LRRTM4: variants seen among roughly 807,000 people sequenced by gnomAD.
LRRTM4 encodes leucine-rich repeat transmembrane neuronal protein 4.
Under a neutral mutation model 47.6 loss-of-function variants are expected in LRRTM4, and 25 were observed. The ratio of observed to expected loss-of-function variants is 0.53; its 90% CI spans 0.38 to 0.73. LRRTM4 has a LOEUF of 0.73. LRRTM4 is among the 30% of genes least tolerant of loss of function. The pLI is 0.00. For missense variants in LRRTM4, 638 were observed against 713.4 expected, an observed-to-expected ratio of 0.89 and a Z score of 1.20; for synonymous variants, 311 against 269.5, an observed-to-expected ratio of 1.15 and a Z score of -1.51.
chr2:76,954,061 T>C (rs950229311), intron 3 of LRRTM4, among the ~76,000 whole-genome samples: 2 of 151,814 alleles, frequency 1.3e-5, no homozygotes, highest in Non-Finnish European at 2.9e-5. Context: ...CCTCAGAGTC[T>C]CTAGCCAGGC....
intron 3 of LRRTM4, among the ~76,000 whole-genome samples, chr2:77,152,623 C>T (rs755374126): frequency 1.3e-5 from 2 of 152,052 alleles, no homozygotes; most frequent in Non-Finnish European, 2.9e-5. Context: ...CTACCACGCC[C>T]GGCCACTTTT....
intron 3 of LRRTM4, among the ~76,000 whole-genome samples, chr2:76,778,331 A>G: frequency 7.1e-6 from 1 of 141,668 alleles, no homozygotes; most frequent in Non-Finnish European, 1.5e-5. Context: ...TTTCAGAAGG[A>G]ATGGTACCAG....
At chr2:77,319,276 A>G (rs1677718563) in intron 3 of LRRTM4, among the ~76,000 whole-genome samples, 1 of 152,072 alleles carries the variant, frequency 6.6e-6, no homozygotes, top group African/African-American at 2.4e-5. Flanking sequence ...AATCCCAGCT[A>G]CTAGGGAGGT....
At chr2:77,022,993 T>A (rs1039039797) in intron 3 of LRRTM4, among the ~76,000 whole-genome samples, 3 of 152,240 alleles carry the variant, frequency 2.0e-5, no homozygotes, top group Non-Finnish European at 4.4e-5. Context: ...AGGTTCTGCA[T>A]GAGAGCCCTG....
intron 3 of LRRTM4, among the ~76,000 whole-genome samples, chr2:77,087,486 C>T (rs1037279285): frequency 6.6e-6 from 1 of 152,176 alleles, no homozygotes; most frequent in African/African-American, 2.4e-5. Flanking sequence ...ACCCAGAACA[C>T]CTGGCTGAAA....
chr2:77,240,544 C>A (rs1033635457), intron 3 of LRRTM4, among the ~76,000 whole-genome samples: 1 of 151,926 alleles, frequency 6.6e-6, no homozygotes, highest in Middle Eastern at 3.4e-3. Flanking sequence ...TTTTCTCAGT[C>A]TTATTTGATA....
chr2:77,161,970 G>A (rs891197789), intron 3 of LRRTM4, among the ~76,000 whole-genome samples: 2 of 152,172 alleles, frequency 1.3e-5, no homozygotes, highest in Non-Finnish European at 2.9e-5. Context: ...CAACACAGAA[G>A]ACGAGTGATT....
In LRRTM4 at chr2:77,194,734, A is replaced by G. The variant is rs1032145475; in HGVS notation, c.1551+323584T>C. 8.5e-5 allele frequency among the ~76,000 whole-genome samples: 13 copies of G among 152,234 alleles called. No individual in the cohort carries two copies. In the East Asian group the frequency reaches 2.3e-3, roughly 27 times the overall value. ...GACTCTGACCCCTAACCTATGGGTAACAGGACCTGGGTAACATGAGCAGGA... is the reference window on the plus strand; with the variant it reads ...GACTCTGACCCCTAACCTATGGGTAGCAGGACCTGGGTAACATGAGCAGGA... On this transcript the variant is annotated intron_variant, in intron 3 of 3. Coordinates refer to ENST00000409884, the MANE Select transcript of LRRTM4 (RefSeq NM_001134745.3).
At chr2:77,185,349 A>G (rs1026958265) in intron 3 of LRRTM4, among the ~76,000 whole-genome samples, 3 of 152,156 alleles carry the variant, frequency 2.0e-5, no homozygotes, top group African/African-American at 7.2e-5. Flanking sequence ...TTGATTTTCA[A>G]AACAGCTCTA....
rs576701943 is a variant in LRRTM4 at position 77,072,812 on chromosome 2, A to C, written c.1552-323896T>G. On this transcript the variant is annotated intron_variant, in intron 3 of 3. Transcript: ENST00000409884. ...AGACTCCGTCTTCCAAAAAAAAAAA[A>C]AAAAAAAAAAACAAAGGCTGCCTTA... Among the ~76,000 whole-genome samples the C allele has an allele frequency of 5.3e-5, 8 of 150,520 alleles. No homozygotes were observed. The South Asian group carries it at 1.5e-3, about 27-fold the overall frequency.
intron 3 of LRRTM4, among the ~76,000 whole-genome samples, chr2:77,281,459 C>T (rs1317158992): frequency 6.6e-6 from 1 of 151,862 alleles, no homozygotes; most frequent in Non-Finnish European, 1.5e-5. Context: ...TTCTGAAGAA[C>T]AATGAGCTAC....
chr2:77,120,032 G>C (rs1350016406), intron 3 of LRRTM4, among the ~76,000 whole-genome samples: 1 of 151,756 alleles, frequency 6.6e-6, no homozygotes, highest in African/African-American at 2.4e-5. Context: ...AGATCTCTAG[G>C]ATAGCTTTCA....
intron 3 of LRRTM4, among the ~76,000 whole-genome samples, chr2:77,387,563 A>G (rs1443855157): frequency 1.3e-5 from 2 of 152,038 alleles, no homozygotes; most frequent in Non-Finnish European, 2.9e-5. Flanking sequence ...TACTTTTGGG[A>G]TTCAGGGGTG....
At chr2:76,811,700 C>A (rs1670739138) in intron 3 of LRRTM4, among the ~76,000 whole-genome samples, 1 of 152,028 alleles carries the variant, frequency 6.6e-6, no homozygotes, top group Non-Finnish European at 1.5e-5. Context: ...ACTTGTGCAC[C>A]CATCTTTAGA....
intron 3 of LRRTM4, among the ~76,000 whole-genome samples, chr2:76,932,473 G>A (rs925676813): frequency 1.3e-5 from 2 of 152,036 alleles, no homozygotes; most frequent in Non-Finnish European, 2.9e-5. Context: ...AGCCAGTGGA[G>A]TAAAGTGAAA....
intron 3 of LRRTM4, among the ~76,000 whole-genome samples, chr2:77,166,402 T>A (rs1672886824): frequency 6.6e-6 from 1 of 152,176 alleles, no homozygotes; most frequent in Non-Finnish European, 1.5e-5. Context: ...ATAGATTCAA[T>A]GTCATCCCCA....
intron 3 of LRRTM4, among the ~76,000 whole-genome samples, chr2:77,422,189 T>C (rs1257198321): frequency 6.6e-6 from 1 of 152,240 alleles, no homozygotes; most frequent in Admixed American, 6.5e-5. Flanking sequence ...AATGCGTGAC[T>C]GTAGTTGAAG....
intron 3 of LRRTM4, among the ~76,000 whole-genome samples, chr2:77,008,719 T>A (rs1358312977): frequency 2.0e-5 from 3 of 152,122 alleles, no homozygotes; most frequent in Non-Finnish European, 4.4e-5. Flanking sequence ...ACTCAGCGAA[T>A]TTATTGCTTC....
intron 3 of LRRTM4, among the ~76,000 whole-genome samples, chr2:76,795,325 C>T (rs1468564267): frequency 1.3e-5 from 2 of 149,968 alleles, no homozygotes; most frequent in Non-Finnish European, 3.0e-5. Context: ...ATATGTAGTT[C>T]ATCTTTCATG....
Sources: gnomAD v4.1 joint callset for allele counts (sites outside exome capture counted in the v4.1 genomes callset) on GRCh38, gnomAD v4.1.1 for gene constraint, MANE v1.5 for transcripts, NCBI Gene and HGNC (gene_info 2026-07-23, HGNC 2026-07-21) for gene names.